Variants in GRHL2 observed in about 807,000 individuals in gnomAD.
GRHL2 encodes grainyhead like transcription factor 2, also known as grainyhead-like protein 2 homolog.
Under a neutral mutation model 83.8 loss-of-function variants are expected in GRHL2, and 21 were observed. The observed-to-expected ratio is 0.25, with a 90% CI of 0.18 to 0.36. The LOEUF (loss-of-function observed/expected upper bound fraction) is 0.36, where lower values mean the gene tolerates loss of function less well. GRHL2 is among the 10% of genes least tolerant of loss of function. The probability of loss-of-function intolerance (pLI) is 1.00; values close to 1 mark genes in which losing one functional copy is unlikely to be tolerated. For synonymous variants in GRHL2, 280 were observed against 278.9 expected, an observed-to-expected ratio of 1.00 and a Z score of -0.04; for missense variants, 623 against 781.8, an observed-to-expected ratio of 0.80 and a Z score of 2.42.
At chr8:101,523,739 A>G (rs1461889347) in intron 1 of GRHL2, among the ~76,000 whole-genome samples, 2 of 152,100 alleles carry the variant, frequency 1.3e-5, no homozygotes, top group African/African-American at 4.8e-5. Context: ...TCAGCCTCTC[A>G]AAATGTTAGA....
chr8:101,540,942 T>C (rs2130114272), intron 1 of GRHL2, among the ~76,000 whole-genome samples: 1 of 152,278 alleles, frequency 6.6e-6, no homozygotes, highest in Admixed American at 6.5e-5. Flanking sequence ...TAGTGTACAT[T>C]GTACCAATGT....
chr8:101,562,218 T>A, intron 4 of GRHL2: 1 of 608,394 alleles, frequency 1.6e-6, no homozygotes, highest in Non-Finnish European at 3.1e-6. Context: ...CTTCATTGAA[T>A]CAATACTTTT....
intron 8 of GRHL2, among the ~76,000 whole-genome samples, chr8:101,608,116 C>T (rs1812667289): frequency 6.6e-6 from 1 of 152,216 alleles, no homozygotes; most frequent in Non-Finnish European, 1.5e-5. Flanking sequence ...ATACCAGGCA[C>T]TCTGCCAGGC....
intron 5 of GRHL2, among the ~76,000 whole-genome samples, chr8:101,572,489 G>GC (rs527669069): frequency 2.2e-3 from 336 of 152,162 alleles, no homozygotes; most frequent in Middle Eastern, 3.4e-3. Flanking sequence ...GAAAGCAAGA[G>GC]CCCCCCATAA....
At chr8:101,549,100 A>T (rs936129026) in intron 2 of GRHL2, among the ~76,000 whole-genome samples, 5 of 145,618 alleles carry the variant, frequency 3.4e-5, no homozygotes, top group African/African-American at 1.3e-4. Flanking sequence ...GACTCAAAGT[A>T]TGGGCACAAG....
intron 14 of GRHL2, among the ~76,000 whole-genome samples, chr8:101,663,466 G>A (rs1444226617): frequency 6.6e-6 from 1 of 151,946 alleles, no homozygotes; most frequent in African/African-American, 2.4e-5. Context: ...ACAAAAATTA[G>A]CCAGGTGTGG....
chr8:101,562,272 T>A (rs1772709566), intron 4 of GRHL2: 1 of 605,030 alleles, frequency 1.7e-6, no homozygotes, highest in African/African-American at 1.8e-5. Flanking sequence ...ATTTCTACAT[T>A]TTTCAAATTC....
intron 1 of GRHL2, 100 bp from the exon 2 acceptor site, chr8:101,543,141 A>T (rs557545847): frequency 1.1e-6 from 1 of 913,196 alleles, no homozygotes; most frequent in Admixed American, 1.7e-5. Context: ...ATTCTGGGGA[A>T]ATAAAAATTA....
intron 4 of GRHL2, among the ~76,000 whole-genome samples, chr8:101,559,198 G>C (rs1811552082): frequency 6.6e-6 from 1 of 151,890 alleles, no homozygotes; most frequent in South Asian, 2.1e-4. Context: ...GGTAGGGCTT[G>C]TCCATTCTTT....
chr8:101,619,209 C>T (rs1275195075), intron 8 of GRHL2, among the ~76,000 whole-genome samples: 5 of 151,884 alleles, frequency 3.3e-5, no homozygotes, highest in Admixed American at 2.0e-4. Flanking sequence ...GCTGAGATCA[C>T]GCCACTGCAC....
At chr8:101,500,377 TC>T (rs1433644564) in intron 1 of GRHL2, among the ~76,000 whole-genome samples, 1 of 152,198 alleles carries the variant, frequency 6.6e-6, no homozygotes, top group Non-Finnish European at 1.5e-5. Flanking sequence ...CATAGTTTCT[TC>T]CTTTGGATTA....
intron 4 of GRHL2, among the ~76,000 whole-genome samples, chr8:101,561,076 TTTTG>T (rs1395262444): frequency 6.6e-5 from 10 of 152,096 alleles, no homozygotes; most frequent in African/African-American, 1.2e-4. Context: ...CACAAACTTT[TTTTG>T]TTTGTTTTTT....
In GRHL2 at chr8:101,615,021, T is replaced by G. The variant is rs548187; in HGVS notation, c.1099-4518T>G. On this transcript the variant is annotated intron_variant, in intron 8 of 15. Coordinates refer to ENST00000646743, the MANE Select transcript of GRHL2 (RefSeq NM_024915.4). ...ATGTAGCAGAAAAGGCAGATTCTTGTGTTGTTTACTTTTAATGGAATTAGA... is the reference window on the plus strand; with the variant it reads ...ATGTAGCAGAAAAGGCAGATTCTTGGGTTGTTTACTTTTAATGGAATTAGA... Among the ~76,000 whole-genome samples the G allele has an allele frequency of 2.4e-3, 368 of 152,248 alleles. 1 individual carries two copies. Among genetic ancestry groups the G allele is most frequent in the Non-Finnish European group, 3.8e-3 (260 of 68,010 alleles).
At chr8:101,609,788 G>C (rs1027910761) in intron 8 of GRHL2, among the ~76,000 whole-genome samples, 1 of 150,982 alleles carries the variant, frequency 6.6e-6, no homozygotes, top group Admixed American at 6.6e-5. Flanking sequence ...TTTCTAGAAG[G>C]ATACTCAAGA....
intron 8 of GRHL2, among the ~76,000 whole-genome samples, chr8:101,617,150 G>A (rs1586147507): frequency 6.6e-6 from 1 of 151,788 alleles, no homozygotes; most frequent in East Asian, 1.9e-4. Context: ...TTTCATTACT[G>A]ATGGTCCTCG....
chr8:101,592,605 C>T (rs1168010317), intron 7 of GRHL2, among the ~76,000 whole-genome samples: 3 of 152,188 alleles, frequency 2.0e-5, no homozygotes, highest in Non-Finnish European at 2.9e-5. Context: ...CCTATGGAAT[C>T]GGAATCTCTG....
intron 1 of GRHL2, among the ~76,000 whole-genome samples, chr8:101,515,176 G>GCACGCA (rs1554582182): frequency 2.1e-5 from 3 of 144,444 alleles, no homozygotes; most frequent in African/African-American, 7.8e-5. Context: ...CTGTCTCTCT[G>GCACGCA]CACACACACA....
At chr8:101,519,736 G>A (rs993796185) in intron 1 of GRHL2, among the ~76,000 whole-genome samples, 5 of 151,858 alleles carry the variant, frequency 3.3e-5, no homozygotes, top group Non-Finnish European at 7.4e-5. Flanking sequence ...ACATATGTAC[G>A]TATATATGAA....
intron 3 of GRHL2, 45 bp from the exon 4 acceptor site, chr8:101,558,374 T>C (rs1280793144): frequency 1.2e-6 from 2 of 1,610,732 alleles, no homozygotes. Flanking sequence ...TGCCGAATGG[T>C]GATTTTTCTA....
Sources: allele counts gnomAD v4.1 joint callset (sites outside exome capture counted in the v4.1 genomes callset), GRCh38; gene constraint gnomAD v4.1.1; transcripts MANE v1.5; gene names NCBI Gene and HGNC (gene_info 2026-07-23, HGNC 2026-07-21).